DOCK2: variants seen among roughly 807,000 people sequenced by gnomAD.
DOCK2 encodes the protein dedicator of cytokinesis 2.
DOCK2 carries 87 observed loss-of-function variants against 248.9 expected under a neutral mutation model. The ratio of observed to expected loss-of-function variants is 0.35; its 90% CI spans 0.29 to 0.42. The LOEUF is 0.42. DOCK2 is among the 10% of genes least tolerant of loss of function. The pLI is 1.00. For synonymous variants in DOCK2, 805 were observed against 821.6 expected (o/e 0.98, Z 0.35); for missense variants, 1,747 against 2,300.2 (o/e 0.76, Z 4.92).
chr5:170,073,259 G>A (rs75262704), intron 46 of DOCK2, among the ~76,000 whole-genome samples: 17,617 of 151,332 alleles, frequency 0.12, 1,203 homozygotes, highest in Non-Finnish European at 0.15. Flanking sequence ...CCCCACTTTT[G>A]ACCCCCCAAA....
At chr5:169,717,071 T>A (rs1016356529) in intron 20 of DOCK2, among the ~76,000 whole-genome samples, 4 of 152,174 alleles carry the variant, frequency 2.6e-5, no homozygotes, top group African/African-American at 7.2e-5. Context: ...CATGACCCTT[T>A]TAGAGATTCA....
intron 25 of DOCK2, among the ~76,000 whole-genome samples, chr5:169,788,891 G>A (rs888026174): frequency 6.6e-6 from 1 of 151,900 alleles, no homozygotes; most frequent in Non-Finnish European, 1.5e-5. Flanking sequence ...TTGTTATATG[G>A]GTAAACTTGT....
chr5:169,652,059 C>T (rs1014112271), intron 1 of DOCK2, among the ~76,000 whole-genome samples: 1 of 152,234 alleles, frequency 6.6e-6, no homozygotes, highest in Admixed American at 6.5e-5. Flanking sequence ...CTGAGCCTCC[C>T]AGGAACCCAG....
At chr5:169,662,074 A>G (rs968410899) in intron 2 of DOCK2, among the ~76,000 whole-genome samples, 54 of 152,188 alleles carry the variant, frequency 3.5e-4, no homozygotes, top group Admixed American at 1.2e-3. Context: ...CTACATTCTC[A>G]CCAACAGTGT....
At chr5:169,838,936 C>A (rs1432264345) in intron 26 of DOCK2, among the ~76,000 whole-genome samples, 1 of 152,192 alleles carries the variant, frequency 6.6e-6, no homozygotes, top group African/African-American at 2.4e-5. Flanking sequence ...CATCTTCTTT[C>A]TTTTTCTGGC....
intron 32 of DOCK2, among the ~76,000 whole-genome samples, chr5:170,009,891 G>A (rs1261883853): frequency 2.0e-5 from 3 of 152,212 alleles, no homozygotes; most frequent in African/African-American, 7.2e-5. Context: ...GGAGGTTGCA[G>A]GTTGGTTCAC....
chr5:169,708,977 G>A (rs1761434100), intron 15 of DOCK2, among the ~76,000 whole-genome samples: 1 of 152,358 alleles, frequency 6.6e-6, no homozygotes, highest in African/African-American at 2.4e-5. Context: ...GTGACCTTGG[G>A]CAAGTCATTC....
chr5:169,753,060 T>C (rs773852259), intron 23 of DOCK2, among the ~76,000 whole-genome samples: 3 of 122,604 alleles, frequency 2.4e-5, no homozygotes, highest in East Asian at 4.5e-4. Context: ...CAAGACTCTA[T>C]CTAAAAATAA....
At chr5:169,799,338 A>C (rs767578911) in intron 25 of DOCK2, among the ~76,000 whole-genome samples, 5 of 152,188 alleles carry the variant, frequency 3.3e-5, no homozygotes, top group Non-Finnish European at 7.3e-5. Flanking sequence ...GTTGGGCTTA[A>C]TTATCACATC....
chr5:170,011,681 G>A (rs755348472), intron 32 of DOCK2, among the ~76,000 whole-genome samples: 43 of 152,182 alleles, frequency 2.8e-4, no homozygotes, highest in Non-Finnish European at 5.6e-4. Flanking sequence ...TCTGTCCCAT[G>A]AGAATCAGCA....
At chr5:170,066,968 G>T (rs1217547794) in intron 44 of DOCK2, among the ~76,000 whole-genome samples, 2 of 152,156 alleles carry the variant, frequency 1.3e-5, no homozygotes, top group Non-Finnish European at 2.9e-5. Context: ...TGCACTTTTT[G>T]CCGGTTAGCT....
chr5:169,820,194 G>A (rs543379082), intron 26 of DOCK2, among the ~76,000 whole-genome samples: 25 of 152,248 alleles, frequency 1.6e-4, no homozygotes, highest in Non-Finnish European at 2.8e-4. Flanking sequence ...ACCTCTGGGG[G>A]CAAGGCATAG....
At chr5:169,701,549 T>G (rs1454915751) in intron 13 of DOCK2, among the ~76,000 whole-genome samples, 1 of 152,006 alleles carries the variant, frequency 6.6e-6, no homozygotes, top group South Asian at 2.1e-4. Flanking sequence ...GCTCTGTTAC[T>G]TAGGCTGGAG....
At chr5:169,711,904 T>C (rs767189183) in intron 15 of DOCK2, 31 bp from the exon 16 acceptor site, 1 of 1,612,924 alleles carries the variant, frequency 6.2e-7, no homozygotes, top group Non-Finnish European at 8.5e-7. Context: ...TTTAACTCAT[T>C]GTGTTCTGAG....
intron 27 of DOCK2, among the ~76,000 whole-genome samples, chr5:169,954,133 A>G (rs1419533291): frequency 6.6e-6 from 1 of 152,216 alleles, no homozygotes; most frequent in African/African-American, 2.4e-5. Flanking sequence ...ATTTCACATT[A>G]ATTATTATTG....
chr5:169,951,005 G>T (rs1177053721), intron 27 of DOCK2, among the ~76,000 whole-genome samples: 1 of 152,158 alleles, frequency 6.6e-6, no homozygotes, highest in Non-Finnish European at 1.5e-5. Flanking sequence ...TAGATTTCCA[G>T]CTGCTCCGAA....
At position 169,758,048 on chromosome 5, in the gene DOCK2, A is replaced by G. The variant is rs144615705; in HGVS notation, c.2377-1657A>G. On this transcript the variant is annotated intron_variant, in intron 23 of 51. Coordinates refer to ENST00000520908, the MANE Select transcript of DOCK2 (RefSeq NM_004946.3). ...CAATCTATCCTACAAGGATCTTTAC[A>G]GATATACAAACAGTATTTTTTTTAC... is the stretch of plus-strand genomic sequence containing the variant. 4.7e-3 allele frequency among the ~76,000 whole-genome samples: 702 copies of G among 148,390 alleles called. 5 individuals carry two copies. The highest frequency in any genetic ancestry group is 6.2e-3 in the Non-Finnish European group (420 of 67,984).
intron 37 of DOCK2, 62 bp from the exon 38 acceptor site, chr5:170,041,951 G>A (rs1756532536): frequency 2.5e-6 from 4 of 1,584,678 alleles, no homozygotes; most frequent in Non-Finnish European, 3.4e-6. Flanking sequence ...TTAATCCTAG[G>A]AAGACACCTG....
chr5:170,050,057 C>T lies in DOCK2; in HGVS notation c.4072-199C>T, dbSNP rs544877871. On this transcript the variant is annotated intron_variant, in intron 40 of 51. Transcript: ENST00000520908. ...ATCCATGATCTTCCCTTCCTCTAGA[C>T]CCAGACCCTTTAAAGTAGTGATGGC... is the stretch of plus-strand genomic sequence containing the variant. 3.9e-4 allele frequency among the ~76,000 whole-genome samples: 60 copies of T among 152,296 alleles called. 1 individual carries two copies. The South Asian group carries it at 0.012, about 30-fold the overall frequency.
Sources: gnomAD v4.1 joint callset for allele counts (sites outside exome capture counted in the v4.1 genomes callset) on GRCh38, gnomAD v4.1.1 for gene constraint, MANE v1.5 for transcripts, NCBI Gene and HGNC (gene_info 2026-07-23, HGNC 2026-07-21) for gene names.